MAP3K19: variants seen among roughly 807,000 people sequenced by gnomAD.
The protein encoded by MAP3K19 is mitogen-activated protein kinase kinase kinase 19.
In MAP3K19, 91 loss-of-function variants were observed where a neutral mutation model predicts 114.4. The ratio of observed to expected loss-of-function variants is 0.80; its 90% CI spans 0.67 to 0.95. The LOEUF is 0.95. Ranked by LOEUF, MAP3K19 falls within the 40% of genes least tolerant of loss-of-function variation. The pLI is 0.00. For missense variants in MAP3K19, 1,471 were observed against 1,573.2 expected, an observed-to-expected ratio of 0.94 and a Z score of 1.10; for synonymous variants, 518 against 530.5, an observed-to-expected ratio of 0.98 and a Z score of 0.32.
chr2:135,009,925 T>C (rs1687102887), intron 5 of MAP3K19, among the ~76,000 whole-genome samples: 1 of 152,192 alleles, frequency 6.6e-6, no homozygotes, highest in Non-Finnish European at 1.5e-5. Flanking sequence ...AGTTAGGATC[T>C]ATTATCTTCA....
At chr2:135,014,005 T>C (rs1687414979) in intron 5 of MAP3K19, among the ~76,000 whole-genome samples, 1 of 152,208 alleles carries the variant, frequency 6.6e-6, no homozygotes, top group Non-Finnish European at 1.5e-5. Flanking sequence ...AAAAATGTCT[T>C]TATTCAACTC....
chr2:135,031,462 A>G (rs1688378772), intron 2 of MAP3K19, among the ~76,000 whole-genome samples: 2 of 152,334 alleles, frequency 1.3e-5, no homozygotes. Context: ...GAATAAGAAA[A>G]GGAAGAGAAG....
chr2:134,965,234 C>G (rs1368780411), intron 12 of MAP3K19, among the ~76,000 whole-genome samples: 3 of 152,138 alleles, frequency 2.0e-5, no homozygotes, highest in Non-Finnish European at 4.4e-5. Flanking sequence ...GCCCTACTTT[C>G]CCATTGTACT....
At chr2:134,993,244 TGTC>T (rs1276606229) in intron 8 of MAP3K19, among the ~76,000 whole-genome samples, 2 of 152,164 alleles carry the variant, frequency 1.3e-5, no homozygotes, top group Admixed American at 6.5e-5. Context: ...AGCCTCAGGC[TGTC>T]ATTCTGAAGT....
intron 1 of MAP3K19, among the ~76,000 whole-genome samples, chr2:135,043,201 T>C (rs1351724592): frequency 6.6e-6 from 1 of 152,186 alleles, no homozygotes; most frequent in African/African-American, 2.4e-5. Context: ...GAGGACCCAC[T>C]ACTGGGCAGG....
chr2:135,022,295 G>A (rs748978079), intron 4 of MAP3K19, among the ~76,000 whole-genome samples: 10 of 149,100 alleles, frequency 6.7e-5, no homozygotes, highest in Non-Finnish European at 1.2e-4. Context: ...GTAGGGTGCT[G>A]GGACATGAGT....
At chr2:134,983,858 T>C (rs1219320246) in intron 10 of MAP3K19, 33 bp from the exon 11 acceptor site, 5 of 1,484,410 alleles carry the variant, frequency 3.4e-6, no homozygotes, top group Non-Finnish European at 4.5e-6. Flanking sequence ...AAGATGACCA[T>C]TAAACCAAGT....
chr2:134,998,594 C>T (rs1213373693), intron 8 of MAP3K19, 144 bp downstream of exon 8: 1 of 800,804 alleles, frequency 1.2e-6, no homozygotes. Flanking sequence ...CCCATGACCC[C>T]CAGGAATGTA....
At chr2:135,046,753 A>G (rs1442123750) in intron 1 of MAP3K19, among the ~76,000 whole-genome samples, 1 of 152,254 alleles carries the variant, frequency 6.6e-6, no homozygotes, top group African/African-American at 2.4e-5. Context: ...ACCTTATGCA[A>G]TAAAGATTTA....
chr2:135,006,591 C>G (rs1042282187), intron 5 of MAP3K19, among the ~76,000 whole-genome samples: 2 of 151,760 alleles, frequency 1.3e-5, no homozygotes, highest in African/African-American at 4.8e-5. Context: ...GGGTGGATCA[C>G]TTGAGCTCAG....
chr2:135,004,701 G>C (rs186131722), intron 6 of MAP3K19, among the ~76,000 whole-genome samples: 122 of 152,322 alleles, frequency 8.0e-4, no homozygotes, highest in Admixed American at 1.6e-3. Flanking sequence ...CTTGTGGTCT[G>C]TTAAGTGCAA....
In MAP3K19 at chr2:134,986,996, A is replaced by G. The variant is rs1685183877; in HGVS notation, c.1876T>C (p.Ser626Pro). 1 of 1,613,552 alleles carries G rather than the reference A, an allele frequency of 6.2e-7. No individual in the cohort carries two copies. The highest frequency in any genetic ancestry group is 1.7e-5 in the Admixed American group (1 of 60,006). The change falls in exon 10 of 13, where the codon TCA becomes CCA. Residue 626 changes from serine to proline, a missense_variant. Coordinates refer to ENST00000392915, the MANE Select transcript of MAP3K19 (RefSeq NM_025052.5). ...GGTTGAACAGAGAGAGGAACACATGACTTCTGTGTTCCTGGATTTTTACAG... is the reference window on the plus strand; with the variant it reads ...GGTTGAACAGAGAGAGGAACACATGGCTTCTGTGTTCCTGGATTTTTACAG... ...CICKNPGTQK[S>P]CVPLSVQPTE... is the part of the protein sequence containing the mutation.
At chr2:135,012,564 A>G (rs1687303587) in intron 5 of MAP3K19, among the ~76,000 whole-genome samples, 1 of 152,138 alleles carries the variant, frequency 6.6e-6, no homozygotes, top group Non-Finnish European at 1.5e-5. Flanking sequence ...TAAACTGCAC[A>G]TGTAAAAAAA....
At chr2:135,007,400 C>T (rs924366426) in intron 5 of MAP3K19, among the ~76,000 whole-genome samples, 6 of 152,278 alleles carry the variant, frequency 3.9e-5, no homozygotes, top group African/African-American at 9.6e-5. Flanking sequence ...GTATTCATCA[C>T]ATCAAGCATT....
At position 134,987,123 on chromosome 2, in the gene MAP3K19, C is replaced by T; in HGVS notation, c.1749G>A (p.Arg583=). Residue 583 remains arginine (R), a synonymous_variant, in exon 10 of 13, where the codon AGG becomes AGA. Coordinates refer to ENST00000392915, the MANE Select transcript of MAP3K19 (RefSeq NM_025052.5). The stretch of plus-strand genomic sequence containing the variant: ...TTTGAAACCTGGGCAATTGCCAAGG[C>T]CTGGGGTCCACAAGTCCCAAAGCCG... ...IFPALGLVDP[R]PWQLPRFQKK... 2 of 1,613,932 alleles carry T rather than the reference C, an allele frequency of 1.2e-6. No homozygotes were observed. Among genetic ancestry groups the T allele is most frequent in the East Asian group, 2.2e-5 (1 of 44,880 alleles).
At chr2:135,041,964 C>G (rs887175301) in intron 1 of MAP3K19, among the ~76,000 whole-genome samples, 3 of 152,156 alleles carry the variant, frequency 2.0e-5, no homozygotes, top group African/African-American at 7.2e-5. Flanking sequence ...AGAAATAGTA[C>G]TCTAGAACAT....
At chr2:135,023,655 T>C (rs1306286238) in intron 4 of MAP3K19, 8 of 454,774 alleles carry the variant, frequency 1.8e-5, no homozygotes, top group African/African-American at 1.0e-4. Context: ...GTTCTGTGAA[T>C]TGTTCTTTCA....
At chr2:134,991,834 G>A (rs1158747279) in intron 8 of MAP3K19, among the ~76,000 whole-genome samples, 2 of 152,170 alleles carry the variant, frequency 1.3e-5, no homozygotes, top group Non-Finnish European at 2.9e-5. Context: ...CTGGACCAGA[G>A]AGCAGACCAT....
At chr2:135,044,410 G>A (rs1688700120) in intron 1 of MAP3K19, among the ~76,000 whole-genome samples, 1 of 152,144 alleles carries the variant, frequency 6.6e-6, no homozygotes, top group South Asian at 2.1e-4. Flanking sequence ...GGCCAACGTG[G>A]TGAAACCCCA....
Sources: allele counts gnomAD v4.1 joint callset (sites outside exome capture counted in the v4.1 genomes callset), GRCh38; gene constraint gnomAD v4.1.1; transcripts MANE v1.5; gene names NCBI Gene and HGNC (gene_info 2026-07-23, HGNC 2026-07-21).